Variants in HS2ST1 observed in about 807,000 individuals in gnomAD.
HS2ST1 encodes the protein 2-O-sulfotransferase.
Under a neutral mutation model 42.9 loss-of-function variants are expected in HS2ST1, and 18 were observed. The ratio of observed to expected loss-of-function variants is 0.42; its 90% CI spans 0.29 to 0.62. The LOEUF (loss-of-function observed/expected upper bound fraction) is 0.62. Ranked by LOEUF, HS2ST1 falls within the 20% of genes least tolerant of loss-of-function variation. The probability of loss-of-function intolerance (pLI) is 0.21; values close to 1 mark genes in which losing one functional copy is unlikely to be tolerated. For missense variants in HS2ST1, 334 were observed against 433.8 expected (o/e 0.77, Z 2.04); for synonymous variants, 146 against 152.9 (o/e 0.95, Z 0.33).
At chr1:87,001,085 T>C (rs1004465045) in intron 1 of HS2ST1, among the ~76,000 whole-genome samples, 1 of 152,204 alleles carries the variant, frequency 6.6e-6, no homozygotes, top group Non-Finnish European at 1.5e-5. Context: ...TATATCACTT[T>C]GAGAAATAGG....
chr1:86,993,071 C>T, intron 1 of HS2ST1: 4 of 1,592,018 alleles, frequency 2.5e-6, no homozygotes, highest in Non-Finnish European at 3.4e-6. Context: ...GTCACCAAGT[C>T]TTTCCTGTAC....
In HS2ST1 at chr1:87,084,267, TG is replaced by T; in HGVS notation, c.439del (p.Asp147IlefsTer7). 5 of 1,599,626 alleles carry T rather than the reference TG, an allele frequency of 3.1e-6. No homozygotes were observed. Among genetic ancestry groups the T allele is most frequent in the Non-Finnish European group, 4.3e-6 (5 of 1,170,134 alleles). On this transcript the variant is annotated frameshift_variant, in exon 3 of 7. Transcript: ENST00000370550. LOFTEE classifies it high-confidence loss of function. ...TTTTATCATGGACACGTTTCTTACTTGGATTTTGCAAAGTAAGTTACACTGA... is the reference window on the plus strand; with the variant it reads ...TTTTATCATGGACACGTTTCTTACTTGATTTTGCAAAGTAAGTTACACTGA... ...PGFYHGHVSY[L>X]DFAKFGVKKK...
Position 86,915,218 on chromosome 1 carries a change from C to T in HS2ST1, c.124+58C>T. The stretch of plus-strand genomic sequence containing the variant: ...GTGGAAGGGGCCGAGGAGGCGCTGC[C>T]GCCGGAGCAAGTGGGCGTTCATCTA... On this transcript the variant is annotated intron_variant, in intron 1 of 6. Coordinates refer to ENST00000370550, the MANE Select transcript of HS2ST1 (RefSeq NM_012262.4). The T allele has an allele frequency of 1.9e-6, 3 of 1,547,612 alleles. No homozygotes were observed. In the South Asian group the frequency reaches 3.6e-5, roughly 19 times the overall value.
At chr1:87,084,993 C>T (rs1233087616) in intron 3 of HS2ST1, among the ~76,000 whole-genome samples, 1 of 152,094 alleles carries the variant, frequency 6.6e-6, no homozygotes, top group African/African-American at 2.4e-5. Context: ...AACTATATGC[C>T]TACTCACAGT....
chr1:87,104,736 A>T lies in HS2ST1; in HGVS notation c.*40A>T. 3.9e-6 allele frequency: 5 copies of T among 1,279,392 alleles called. No homozygotes were observed. The highest frequency in any genetic ancestry group is 5.7e-6 in the Non-Finnish European group (5 of 883,286). The allele number at this position is 1,279,392 out of a possible 1,614,324, so 79.3% of individuals were successfully genotyped here. On this transcript the variant is annotated 3_prime_UTR_variant, in exon 7 of 7. Coordinates refer to ENST00000370550, the MANE Select transcript of HS2ST1 (RefSeq NM_012262.4). ...TATTGGATTCTTGAACTAAAATTTG[A>T]CCCTGTCTTCACCTTTGTTCTCAGC...
At chr1:87,005,140 AT>A (rs1557512581) in intron 1 of HS2ST1, among the ~76,000 whole-genome samples, 1 of 152,140 alleles carries the variant, frequency 6.6e-6, no homozygotes, top group East Asian at 1.9e-4. Context: ...TAAAGTTGAT[AT>A]CTTTTGCTAT....
At chr1:87,070,463 C>T (rs1366218638) in intron 1 of HS2ST1, among the ~76,000 whole-genome samples, 2 of 151,982 alleles carry the variant, frequency 1.3e-5, no homozygotes, top group African/African-American at 4.8e-5. Flanking sequence ...TGATCATGTG[C>T]ACCTGTAGTC....
At chr1:86,990,836 A>ATATATATAT (rs1289652447) in intron 1 of HS2ST1, among the ~76,000 whole-genome samples, 8 of 44,232 alleles carry the variant, frequency 1.8e-4, no homozygotes, top group Admixed American at 1.5e-3. Context: ...ATATATATAT[A>ATATATATAT]TTTTTTTTTT....
At chr1:87,096,770 G>T (rs1024452953) in intron 4 of HS2ST1, among the ~76,000 whole-genome samples, 5 of 152,142 alleles carry the variant, frequency 3.3e-5, no homozygotes, top group African/African-American at 1.2e-4. Flanking sequence ...GAACCCGTGG[G>T]ATATCAACAC....
chr1:87,022,721 G>C (rs935525151), intron 1 of HS2ST1, among the ~76,000 whole-genome samples: 1 of 152,122 alleles, frequency 6.6e-6, no homozygotes, highest in Non-Finnish European at 1.5e-5. Flanking sequence ...ATAGTTATGG[G>C]AAAACAGACA....
chr1:87,026,432 T>C (rs1650087392), intron 1 of HS2ST1, among the ~76,000 whole-genome samples: 1 of 152,232 alleles, frequency 6.6e-6, no homozygotes, highest in Non-Finnish European at 1.5e-5. Flanking sequence ...TAAATGTTCG[T>C]AAGTAATCTT....
intron 1 of HS2ST1, among the ~76,000 whole-genome samples, chr1:86,961,492 A>C (rs770995697): frequency 2.6e-5 from 4 of 152,118 alleles, no homozygotes; most frequent in Non-Finnish European, 5.9e-5. Context: ...GAGATTTCTG[A>C]GGGTGGTGGA....
chr1:86,950,155 A>G (rs1250725428), intron 1 of HS2ST1, among the ~76,000 whole-genome samples: 1 of 152,236 alleles, frequency 6.6e-6, no homozygotes, highest in Non-Finnish European at 1.5e-5. Flanking sequence ...TATGGGACAA[A>G]CTGACGTTAC....
chr1:87,027,107 T>C (rs1415760685), intron 1 of HS2ST1, among the ~76,000 whole-genome samples: 1 of 152,214 alleles, frequency 6.6e-6, no homozygotes, highest in East Asian at 1.9e-4. Context: ...TTTTTGGTTT[T>C]GAAATACCAT....
At chr1:87,082,106 G>A (rs1348773635) in intron 2 of HS2ST1, among the ~76,000 whole-genome samples, 1 of 152,084 alleles carries the variant, frequency 6.6e-6, no homozygotes, top group African/African-American at 2.4e-5. Flanking sequence ...GATCATTAGA[G>A]GCTACTATGA....
rs1652418880 is a variant in HS2ST1, at chr1:87,109,496, T to C, written c.*4800T>C. On this transcript the variant is annotated 3_prime_UTR_variant, in exon 7 of 7. Coordinates refer to ENST00000370550, the MANE Select transcript of HS2ST1 (RefSeq NM_012262.4). ...AGAATTAAAAAAATTTGAAAGTAAC[T>C]TAATCTAACATTTATGGCACAGTTT... The C allele has an allele frequency of 6.6e-6, 1 of 152,002 alleles. No homozygotes were observed. The highest frequency in any genetic ancestry group is 2.4e-5 in the African/African-American group (1 of 41,418). The allele number at this position is 152,002 out of a possible 1,614,324, so 9.4% of individuals were successfully genotyped here.
chr1:86,963,443 A>G (rs1647915268), intron 1 of HS2ST1, among the ~76,000 whole-genome samples: 1 of 152,174 alleles, frequency 6.6e-6, no homozygotes, highest in Non-Finnish European at 1.5e-5. Flanking sequence ...CTGAGTGGAC[A>G]CAGCACATGT....
intron 1 of HS2ST1, chr1:87,045,616 G>C: frequency 1.3e-6 from 1 of 777,718 alleles, no homozygotes; most frequent in Admixed American, 1.7e-5. Flanking sequence ...GTTCTGCAGT[G>C]GTCTATTTTT....
intron 1 of HS2ST1, among the ~76,000 whole-genome samples, chr1:86,991,772 A>T (rs1035483630): frequency 6.6e-6 from 1 of 152,214 alleles, no homozygotes; most frequent in African/African-American, 2.4e-5. Context: ...GTGTGGATTA[A>T]GTGAGAAAAT....
Sources: allele counts gnomAD v4.1 joint callset (sites outside exome capture counted in the v4.1 genomes callset), GRCh38; gene constraint gnomAD v4.1.1; transcripts MANE v1.5; gene names NCBI Gene and HGNC (gene_info 2026-07-23, HGNC 2026-07-21).